IL6R: variants seen among roughly 807,000 people sequenced by gnomAD.
IL6R encodes the protein interleukin 6 receptor, also known as interleukin-6 receptor subunit alpha.
IL6R carries 38 observed loss-of-function variants against 48.3 expected under a neutral mutation model. The observed-to-expected ratio is 0.79, with a 90% CI of 0.61 to 1.03. IL6R has a LOEUF of 1.03. IL6R is among the 50% of genes least tolerant of loss of function. The pLI is 0.00. For synonymous variants in IL6R, 264 were observed against 256.2 expected (o/e 1.03, Z -0.29); for missense variants, 534 against 618.3 (o/e 0.86, Z 1.45).
chr1:154,458,259 C>T (rs898958862), intron 9 of IL6R, among the ~76,000 whole-genome samples: 4 of 152,126 alleles, frequency 2.6e-5, no homozygotes, highest in African/African-American at 4.8e-5. Context: ...CGTGAGCCAC[C>T]GTGCCCGGCC....
chr1:154,414,636 G>A lies in IL6R; in HGVS notation c.85+8922G>A, dbSNP rs560378001. 4.2e-4 allele frequency: 337 copies of A among 811,754 alleles called. 5 individuals are homozygous for A. The highest frequency in any genetic ancestry group is 3.8e-4 in the Non-Finnish European group (178 of 474,268). 50.3% of individuals were successfully genotyped at this position (811,754 alleles called of 1,614,324 possible). ...CCCTGATAGTGTCAAGCAGGATGTC[G>A]ATGAAGACGGTGTAGCTCTTGGCGA... On this transcript the variant is annotated intron_variant, in intron 1 of 9. Transcript: ENST00000368485.
At chr1:154,454,768 A>G (rs915223094) in intron 9 of IL6R, among the ~76,000 whole-genome samples, 187 bp downstream of exon 9, 10 of 152,210 alleles carry the variant, frequency 6.6e-5, no homozygotes, top group Non-Finnish European at 1.2e-4. Flanking sequence ...TGCAGGAGAC[A>G]ATGCTGGGCA....
chr1:154,419,749 G>A (rs971481672), intron 1 of IL6R, among the ~76,000 whole-genome samples: 2 of 152,226 alleles, frequency 1.3e-5, no homozygotes, highest in South Asian at 2.1e-4. Flanking sequence ...CAAGAGCTGC[G>A]GCAAGCTGCA....
At position 154,405,676 on chromosome 1, in the gene IL6R, C is replaced by T. The variant is rs2149196136; in HGVS notation, c.47C>T (p.Pro16Leu). ...CALLAALLAA[P>L]GAALAPRRCP... is the part of the protein sequence containing the mutation. ...CTGCTGGCTGCCCTGCTGGCCGCGCCGGGAGCGGCGCTGGCCCCAAGGCGC... is the reference window on the plus strand; with the variant it reads ...CTGCTGGCTGCCCTGCTGGCCGCGCTGGGAGCGGCGCTGGCCCCAAGGCGC... Residue 16 changes from proline (P) to leucine (L), a missense_variant, in exon 1 of 10, where the codon CCG becomes CTG. Physicochemically the swap from Pro to Leu is moderately conservative, Grantham distance 98 (BLOSUM62 -3). Coordinates refer to ENST00000368485, the MANE Select transcript of IL6R (RefSeq NM_000565.4). This position sits in a 1 kb window ranked among gnomAD's most constrained non-coding sequence, Gnocchi z 5.2. The T allele has an allele frequency of 6.5e-7, 1 of 1,529,234 alleles. No homozygotes were observed. Among genetic ancestry groups the T allele is most frequent in the Non-Finnish European group, 8.7e-7 (1 of 1,145,032 alleles). 94.7% of individuals were successfully genotyped at this position (1,529,234 alleles called of 1,614,324 possible). A position where few individuals can be genotyped will look rare whatever the true frequency, so the allele number is the denominator to read the frequency against.
At chr1:154,447,001 C>A (rs912544150) in intron 6 of IL6R, among the ~76,000 whole-genome samples, 1 of 152,086 alleles carries the variant, frequency 6.6e-6, no homozygotes, top group Non-Finnish European at 1.5e-5. Flanking sequence ...TTTGGCCAGA[C>A]GTGGTGGCAC....
intron 1 of IL6R, among the ~76,000 whole-genome samples, chr1:154,415,567 C>CTATTTGA (rs1333318246): frequency 6.6e-6 from 1 of 152,230 alleles, no homozygotes; most frequent in Non-Finnish European, 1.5e-5. Flanking sequence ...CTTCTTCTGT[C>CTATTTGA]AAATAGACTA....
chr1:154,463,097 C>T (rs1420273487), intron 9 of IL6R, among the ~76,000 whole-genome samples: 1 of 152,208 alleles, frequency 6.6e-6, no homozygotes. Flanking sequence ...AGCCACCACA[C>T]CCGGCCTTAT....
chr1:154,466,636 C>G lies in IL6R; in HGVS notation c.*1256C>G, dbSNP rs1691562670. 6.5e-6 allele frequency: 1 copy of G among 152,876 alleles called. No individual in the cohort carries two copies. Among genetic ancestry groups the G allele is most frequent in the Non-Finnish European group, 1.5e-5 (1 of 68,488 alleles). 9.5% of individuals were successfully genotyped at this position (152,876 alleles called of 1,614,324 possible). A position where few individuals can be genotyped will look rare whatever the true frequency, so the allele number is the denominator to read the frequency against. On this transcript the variant is annotated 3_prime_UTR_variant, in exon 10 of 10. Coordinates refer to ENST00000368485, the MANE Select transcript of IL6R (RefSeq NM_000565.4). ...GTCGAGGCAGGAGGATCACTTGAGT[C>G]CAGAAGTTTGAGATCAGCCTGGGCA...
chr1:154,431,464 T>G (rs186520067), intron 3 of IL6R, among the ~76,000 whole-genome samples: 1 of 152,212 alleles, frequency 6.6e-6, no homozygotes, highest in African/African-American at 2.4e-5. Flanking sequence ...TCTATAGATA[T>G]GTACTTATGA....
chr1:154,435,897 A>C, intron 5 of IL6R, 72 bp from the exon 6 acceptor site: 1 of 1,381,316 alleles, frequency 7.2e-7, no homozygotes, highest in Non-Finnish European at 9.8e-7. Flanking sequence ...CCAAGGCACC[A>C]ACCCACTGGG....
intron 1 of IL6R, among the ~76,000 whole-genome samples, chr1:154,425,667 G>A (rs911705787): frequency 3.3e-5 from 5 of 151,706 alleles, no homozygotes; most frequent in Admixed American, 2.0e-4. Flanking sequence ...TCAGCTACTT[G>A]GGAAGCTGCG....
At position 154,434,654 on chromosome 1, in the gene IL6R, C is replaced by T. The variant is rs557313029; in HGVS notation, c.594C>T (p.Val198=). 8.7e-6 allele frequency: 14 copies of T among 1,614,152 alleles called. No homozygotes were observed. Among genetic ancestry groups the T allele is most frequent in the South Asian group, 5.5e-5 (5 of 91,074 alleles). Residue 198 remains valine, a synonymous_variant, in exon 4 of 10, where the codon GTC becomes GTT. Transcript: ENST00000368485. ...YIVSMCVASS[V]GSKFSKTQTF... ...TGTCCATGTGCGTCGCCAGTAGTGTCGGGAGCAAGTTCAGCAAAACTCAAA... is the reference window on the plus strand; with the variant it reads ...TGTCCATGTGCGTCGCCAGTAGTGTTGGGAGCAAGTTCAGCAAAACTCAAA...
At chr1:154,430,720 A>AAT in intron 3 of IL6R, 114 bp downstream of exon 3, 1 of 1,360,158 alleles carries the variant, frequency 7.4e-7, no homozygotes, top group Non-Finnish European at 1.0e-6. Flanking sequence ...TAATTCCTTC[A>AAT]GGCTGAGGAA....
chr1:154,407,935 A>T (rs1039811226), intron 1 of IL6R, among the ~76,000 whole-genome samples: 1 of 152,204 alleles, frequency 6.6e-6, no homozygotes, highest in Non-Finnish European at 1.5e-5. Context: ...GTATACCTTT[A>T]AGTATCTCAA....
chr1:154,435,701 A>G (rs866162900), intron 5 of IL6R, among the ~76,000 whole-genome samples: 31 of 152,172 alleles, frequency 2.0e-4, no homozygotes, highest in African/African-American at 7.5e-4. Flanking sequence ...GAGGAGAGCA[A>G]TGTGGGAAGA....
At chr1:154,451,403 A>G (rs1690571084) in intron 8 of IL6R, among the ~76,000 whole-genome samples, 1 of 152,084 alleles carries the variant, frequency 6.6e-6, no homozygotes, top group Non-Finnish European at 1.5e-5. Context: ...CTATAATCCC[A>G]GCTACTTGGG....
At chr1:154,425,484 C>T (rs1224049929) in intron 1 of IL6R, among the ~76,000 whole-genome samples, 1 of 152,104 alleles carries the variant, frequency 6.6e-6, no homozygotes, top group Non-Finnish European at 1.5e-5. Flanking sequence ...ATCAGAGAAA[C>T]ATATAAATGA....
At chr1:154,445,768 A>G (rs1690190773) in intron 6 of IL6R, among the ~76,000 whole-genome samples, 1 of 146,282 alleles carries the variant, frequency 6.8e-6, no homozygotes, top group African/African-American at 2.6e-5. Context: ...AAAAAGCCCT[A>G]ATGACTGGGT....
intron 1 of IL6R, among the ~76,000 whole-genome samples, chr1:154,421,525 G>GA (rs1177479469): frequency 6.6e-6 from 1 of 152,198 alleles, no homozygotes; most frequent in Non-Finnish European, 1.5e-5. Flanking sequence ...TGATCTCTTT[G>GA]AGGGTGCTCA....
Sources: allele counts gnomAD v4.1 joint callset (sites outside exome capture counted in the v4.1 genomes callset), GRCh38; gene constraint gnomAD v4.1.1; non-coding constraint Gnocchi (gnomAD v3.1); transcripts MANE v1.5; gene names NCBI Gene and HGNC (gene_info 2026-07-23, HGNC 2026-07-21).